Variants in AAAS observed in about 807,000 individuals in gnomAD.
The protein encoded by AAAS is aladin WD repeat nucleoporin, also known as aladin.
Under a neutral mutation model 75.6 loss-of-function variants are expected in AAAS, and 60 were observed. The ratio of observed to expected loss-of-function variants is 0.79; its 90% CI spans 0.64 to 0.98. AAAS has a LOEUF of 0.98. Among genes scored for constraint, AAAS ranks in the 50% least tolerant of loss-of-function variants. The pLI is 0.00. For synonymous variants in AAAS, 271 were observed against 265.0 expected (o/e 1.02, Z -0.22); for missense variants, 658 against 686.9 (o/e 0.96, Z 0.47).
chr12:53,314,214 TC>T, intron 7 of AAAS, 83 bp downstream of exon 7: 1 of 1,585,328 alleles, frequency 6.3e-7, no homozygotes, highest in Non-Finnish European at 8.7e-7. Flanking sequence ...ACAAAGAACT[TC>T]TCCTTTCAGA....
chr12:53,321,108 C>G, intron 1 of AAAS: 22 of 618,964 alleles, frequency 3.6e-5, no homozygotes, highest in Non-Finnish European at 5.5e-5. Context: ...CCTAGATTCT[C>G]CCTCATTCTC....
Position 53,320,553 on chromosome 12 carries a change from G to T in AAAS, c.251+12C>A. ...CAGACTGTGACCCAGGAAACCCTTT[G>T]CCATGCCTCACCAAATGTTGATGCA... On this transcript the variant is annotated intron_variant, in intron 2 of 15. Transcript: ENST00000209873. 1.9e-6 allele frequency: 3 copies of T among 1,613,502 alleles called. No homozygotes were observed. The highest frequency in any genetic ancestry group is 2.5e-6 in the Non-Finnish European group (3 of 1,179,914).
Position 53,308,455 on chromosome 12 carries a change from C to T in AAAS, c.1161G>A (p.Gln387=), listed in dbSNP as rs757854116. 2.3e-5 allele frequency: 37 copies of T among 1,614,200 alleles called. No homozygotes were observed. In the East Asian group the frequency reaches 8.2e-4, roughly 36 times the overall value. Residue 387 remains glutamine (Q), a synonymous_variant, in exon 12 of 16, where the codon CAG becomes CAA. Coordinates refer to ENST00000209873, the MANE Select transcript of AAAS (RefSeq NM_015665.6). ...IVADLSETTI[Q]TPDGEERLGG... is the part of the protein sequence containing the mutation. ...CTCACCTCTCCTCACCATCTGGTGT[C>T]TGTATTGTTGTCTCAGACAGATCTG...
chr12:53,321,543 C>T lies in AAAS; in HGVS notation c.-78G>A, dbSNP rs1447731582. On this transcript the variant is annotated 5_prime_UTR_variant, in exon 1 of 16. Coordinates refer to ENST00000209873, the MANE Select transcript of AAAS (RefSeq NM_015665.6). ...CAGACCGCACTCCCGCAACTCGGTTCCCGGGCTAGATTCGTATGCGGACGG... is the reference window on the plus strand; with the variant it reads ...CAGACCGCACTCCCGCAACTCGGTTTCCGGGCTAGATTCGTATGCGGACGG... 1.2e-6 allele frequency: 2 copies of T among 1,607,524 alleles called. No individual in the cohort carries two copies. Among genetic ancestry groups the T allele is most frequent in the Non-Finnish European group, 8.5e-7 (1 of 1,179,096 alleles).
At chr12:53,320,128 A>G in intron 2 of AAAS, among the ~76,000 whole-genome samples, 1 of 152,218 alleles carries the variant, frequency 6.6e-6, no homozygotes, top group East Asian at 1.9e-4. Context: ...CAAAAAAAAA[A>G]AAGAAAATGA....
chr12:53,309,644 C>A lies in AAAS; in HGVS notation c.767G>T (p.Gly256Val), dbSNP rs1165830885. ...GGGTGAAGCTGAGAGCAGCCGCCCC[C>A]CACTGGGGGCCCAGGCCAAGCTGGT... is the stretch of plus-strand genomic sequence containing the variant. ...PVTSLAWAPS[G>V]GRLLSASPVD... The change falls in exon 8 of 16, where the codon GGG (glycine) becomes GTG (valine). Residue 256 changes from glycine (G) to valine (V), a missense_variant. By Grantham distance (109) the Gly-to-Val change is moderately radical. Transcript: ENST00000209873. The A allele has an allele frequency of 6.2e-7, 1 of 1,613,418 alleles. No individual in the cohort carries two copies.
intron 7 of AAAS, among the ~76,000 whole-genome samples, chr12:53,311,282 T>A (rs1358925757): frequency 6.6e-6 from 1 of 152,056 alleles, no homozygotes; most frequent in Non-Finnish European, 1.5e-5. Flanking sequence ...TTTTTTTAAA[T>A]CGAGTTCCGC....
intron 8 of AAAS, 25 bp from the exon 9 acceptor site, chr12:53,309,306 G>A (rs1358890753): frequency 6.2e-7 from 1 of 1,612,754 alleles, no homozygotes. Flanking sequence ...CAGGAGATAA[G>A]GGAAAACTCA....
At chr12:53,309,961 A>C in intron 7 of AAAS, 7 of 586,944 alleles carry the variant, frequency 1.2e-5, no homozygotes, top group Non-Finnish European at 2.1e-5. Context: ...GTCTCAGGCC[A>C]GGGTGAAAGA....
At chr12:53,309,843 G>T in intron 7 of AAAS, 122 bp from the exon 8 acceptor site, 1 of 1,424,296 alleles carries the variant, frequency 7.0e-7, no homozygotes, top group Non-Finnish European at 9.6e-7. Flanking sequence ...TCAAATCCAG[G>T]TTGTGAAAAA....
At chr12:53,316,874 G>C (rs1015104123) in intron 2 of AAAS, among the ~76,000 whole-genome samples, 1 of 146,990 alleles carries the variant, frequency 6.8e-6, no homozygotes, top group African/African-American at 2.5e-5. Context: ...GAGCTCAAGA[G>C]CTTGAGACCA....
intron 3 of AAAS, 149 bp from the exon 4 acceptor site, chr12:53,315,575 G>C: frequency 3.3e-6 from 4 of 1,211,928 alleles, no homozygotes; most frequent in Non-Finnish European, 4.8e-6. Context: ...ACCCACTCTG[G>C]ACACCCACTC....
intron 1 of AAAS, chr12:53,321,048 C>A: frequency 3.6e-6 from 2 of 556,566 alleles, no homozygotes; most frequent in South Asian, 4.2e-5. Flanking sequence ...TCTGATCCTC[C>A]CCAGATACTG....
In AAAS at chr12:53,314,763, T is replaced by C. The variant is rs1213921854; in HGVS notation, c.533A>G (p.Tyr178Cys). ...TCCCCACACACACCTGCTGGCATTATACACACGGACTGAGTCATCTAGCAG... is the reference window on the plus strand; with the variant it reads ...TCCCCACACACACCTGCTGGCATTACACACACGGACTGAGTCATCTAGCAG... ...VALLDDSVRV[Y>C]NASSTIVPSL... Residue 178 changes from tyrosine to cysteine, a missense_variant, in exon 6 of 16, where the codon TAT becomes TGT. By Grantham distance (194) the Tyr-to-Cys change is radical. Transcript: ENST00000209873. 2 of 1,613,656 alleles carry C rather than the reference T, an allele frequency of 1.2e-6. No homozygotes were observed. Among genetic ancestry groups the C allele is most frequent in the Non-Finnish European group, 1.7e-6 (2 of 1,179,950 alleles).
chr12:53,317,482 G>A (rs575724023), intron 2 of AAAS, among the ~76,000 whole-genome samples: 2 of 152,102 alleles, frequency 1.3e-5, no homozygotes, highest in Non-Finnish European at 2.9e-5. Flanking sequence ...GAGTGAACTC[G>A]GGAGGCGAAG....
intron 7 of AAAS, among the ~76,000 whole-genome samples, chr12:53,313,532 C>T (rs189478497): frequency 1.5e-3 from 230 of 152,116 alleles, no homozygotes; most frequent in African/African-American, 5.1e-3. Flanking sequence ...AACTCCTGAC[C>T]TCAGGTGATC....
rs565827893 is a variant in AAAS at position 53,307,548 on chromosome 12, A to C, written c.1582T>G (p.Trp528Gly). The C allele has an allele frequency of 2.1e-5, 34 of 1,614,188 alleles. No homozygotes were observed. The South Asian group carries it at 3.3e-4, about 16-fold the overall frequency. The part of the protein sequence containing the change: ...FTETSPTSAP[W>G]DPLPGPPPVL... Reference sequence around the variant, plus strand: ...GGTGGTGGCCCTGGGAGAGGGTCCCAAGGGGCAGAGGTTGGGGATGTCTCA... The same window carrying C: ...GGTGGTGGCCCTGGGAGAGGGTCCCCAGGGGCAGAGGTTGGGGATGTCTCA... The change falls in exon 16 of 16, where the codon TGG becomes GGG. Residue 528 changes from tryptophan to glycine, a missense_variant. Transcript: ENST00000209873.
At position 53,320,662 on chromosome 12, in the gene AAAS, T is replaced by C. The variant is rs1944538652; in HGVS notation, c.154A>G (p.Lys52Glu). 6.2e-7 allele frequency: 1 copy of C among 1,614,162 alleles called. No individual in the cohort carries two copies. Among genetic ancestry groups the C allele is most frequent in the East Asian group, 2.2e-5 (1 of 44,878 alleles). ...CTTCCAGGGGTCTTTAGGGGATCCT[T>C]TGTCAGTTGTAGGACAGGAAGATTG... ...WINLPVLQLT[K>E]DPLKTPGRLD... is the part of the protein sequence containing the mutation. The change falls in exon 2 of 16, where the codon AAG becomes GAG. Residue 52 changes from lysine (K) to glutamate (E), a missense_variant. Physicochemically the swap from Lys to Glu is moderately conservative, Grantham distance 56. Transcript: ENST00000209873.
chr12:53,321,088 C>T, intron 1 of AAAS: 1 of 600,872 alleles, frequency 1.7e-6, no homozygotes, highest in Middle Eastern at 4.6e-4. Context: ...TCTCCCGCAT[C>T]CTCACACTCC....
Sources: gnomAD v4.1 joint callset for allele counts (sites outside exome capture counted in the v4.1 genomes callset) on GRCh38, gnomAD v4.1.1 for gene constraint, MANE v1.5 for transcripts, NCBI Gene and HGNC (gene_info 2026-07-23, HGNC 2026-07-21) for gene names.